Variants in FKBP5 observed in about 807,000 individuals in gnomAD.
FKBP5 encodes peptidyl-prolyl cis-trans isomerase FKBP5.
FKBP5 carries 23 observed loss-of-function variants against 50.5 expected under a neutral mutation model. That is an observed-to-expected ratio of 0.46 (90% CI 0.33 to 0.65). The LOEUF is 0.65. FKBP5 is among the 30% of genes least tolerant of loss of function. FKBP5 has a pLI of 0.02. For synonymous variants in FKBP5, 176 were observed against 190.6 expected, an observed-to-expected ratio of 0.92 and a Z score of 0.63; for missense variants, 411 against 553.1, an observed-to-expected ratio of 0.74 and a Z score of 2.58.
intron 2 of FKBP5, among the ~76,000 whole-genome samples, chr6:35,715,613 C>T (rs541403755): frequency 6.6e-6 from 1 of 152,304 alleles, no homozygotes; most frequent in South Asian, 2.1e-4. Context: ...CAGAGGTGTA[C>T]ACCAGTACAG....
At chr6:35,609,991 C>T (rs2150971475) in intron 5 of FKBP5, among the ~76,000 whole-genome samples, 1 of 152,236 alleles carries the variant, frequency 6.6e-6, no homozygotes, top group African/African-American at 2.4e-5. Context: ...TCTTTGCTGT[C>T]TGGCCGTATT....
chr6:35,580,259 T>C (rs369958969), intron 8 of FKBP5, 38 bp from the exon 9 acceptor site: 6 of 1,523,862 alleles, frequency 3.9e-6, no homozygotes, highest in Non-Finnish European at 5.4e-6. Context: ...ACTCAGCTCT[T>C]GAGGGGGTAC....
intron 1 of FKBP5, among the ~76,000 whole-genome samples, chr6:35,665,902 A>G (rs1765200727): frequency 6.6e-6 from 1 of 152,202 alleles, no homozygotes; most frequent in Non-Finnish European, 1.5e-5. Flanking sequence ...GAGACATTCA[A>G]CACATTATAA....
In FKBP5 at chr6:35,651,764, C is replaced by G. The variant is rs9394308; in HGVS notation, c.-19-8921G>C. 4.1e-4 allele frequency: 78 copies of G among 190,110 alleles called. No individual in the cohort carries two copies. In the East Asian group the frequency reaches 0.01, roughly 24 times the overall value. The allele number at this position is 190,110 out of a possible 1,614,324, so 11.8% of individuals were successfully genotyped here. ...AAACTCCACACCTAATACTTGTTTTCTAATGATTCAAGGTACACAAATTTT... is the reference window on the plus strand; with the variant it reads ...AAACTCCACACCTAATACTTGTTTTGTAATGATTCAAGGTACACAAATTTT... On this transcript the variant is annotated intron_variant, in intron 1 of 10. Transcript: ENST00000357266.
chr6:35,704,263 C>T (rs1766240337), intron 2 of FKBP5, among the ~76,000 whole-genome samples: 1 of 152,206 alleles, frequency 6.6e-6, no homozygotes, highest in Non-Finnish European at 1.5e-5. Flanking sequence ...CACAGACTCA[C>T]AGACAAGTAA....
At chr6:35,607,155 C>G (rs1763348474) in intron 5 of FKBP5, among the ~76,000 whole-genome samples, 2 of 152,112 alleles carry the variant, frequency 1.3e-5, no homozygotes, top group African/African-American at 4.8e-5. Flanking sequence ...CCAGGCTGGT[C>G]TTGAACTCCT....
At chr6:35,598,585 G>T (rs955456066) in intron 5 of FKBP5, among the ~76,000 whole-genome samples, 2 of 152,064 alleles carry the variant, frequency 1.3e-5, no homozygotes, top group African/African-American at 4.8e-5. Context: ...TAATATTAAG[G>T]GTATTCTATT....
intron 1 of FKBP5, among the ~76,000 whole-genome samples, chr6:35,688,525 C>G (rs1386138896): frequency 1.3e-5 from 2 of 151,524 alleles, no homozygotes; most frequent in Admixed American, 1.3e-4. Flanking sequence ...GAGAGCGGCG[C>G]CCGCGGTCAC....
chr6:35,685,581 A>G (rs1267001482), intron 1 of FKBP5, among the ~76,000 whole-genome samples: 3 of 152,236 alleles, frequency 2.0e-5, no homozygotes, highest in East Asian at 1.9e-4. Context: ...TAGTGTGCCA[A>G]TATGTATAAT....
chr6:35,686,232 T>C (rs1765823996), intron 1 of FKBP5, among the ~76,000 whole-genome samples: 1 of 152,098 alleles, frequency 6.6e-6, no homozygotes, highest in Non-Finnish European at 1.5e-5. Flanking sequence ...AAATTGTAGT[T>C]GATAATTTTA....
intron 2 of FKBP5, among the ~76,000 whole-genome samples, chr6:35,719,695 T>C (rs1766574220): frequency 1.3e-5 from 2 of 152,158 alleles, no homozygotes; most frequent in Admixed American, 6.5e-5. Flanking sequence ...CCAGACACCA[T>C]GTGCCTCTTG....
At chr6:35,622,332 G>C (rs1162747028) in intron 3 of FKBP5, among the ~76,000 whole-genome samples, 10 of 152,054 alleles carry the variant, frequency 6.6e-5, no homozygotes, top group Non-Finnish European at 1.5e-4. Context: ...GCAACATAGT[G>C]AAACTCCATC....
chr6:35,594,600 TATACACACACACAGCATGC>T (rs1273592087), intron 6 of FKBP5, among the ~76,000 whole-genome samples: 3 of 152,106 alleles, frequency 2.0e-5, no homozygotes, highest in African/African-American at 4.8e-5. Flanking sequence ...AGGGGTTTTC[TATACACACACACAGCATGC>T]ATACACACAC....
At chr6:35,681,636 T>C (rs1300282834) in intron 1 of FKBP5, among the ~76,000 whole-genome samples, 2 of 152,196 alleles carry the variant, frequency 1.3e-5, no homozygotes, top group Non-Finnish European at 2.9e-5. Context: ...AAAAAGCTGC[T>C]ATGACCCAGT....
intron 2 of FKBP5, among the ~76,000 whole-genome samples, chr6:35,701,626 A>G (rs893995260): frequency 3.3e-5 from 5 of 149,788 alleles, no homozygotes; most frequent in African/African-American, 1.2e-4. Flanking sequence ...TGCAGCCTCA[A>G]CCTCCCTTGC....
intron 1 of FKBP5, among the ~76,000 whole-genome samples, chr6:35,657,797 C>T (rs1419719890): frequency 5.9e-5 from 9 of 152,092 alleles, no homozygotes; most frequent in Non-Finnish European, 1.2e-4. Flanking sequence ...ACATTCTTTC[C>T]TTTTCCTTTT....
intron 1 of FKBP5, among the ~76,000 whole-genome samples, chr6:35,650,260 C>A: frequency 6.9e-6 from 1 of 144,836 alleles, no homozygotes; most frequent in African/African-American, 2.6e-5. Flanking sequence ...ATGGTTGCAC[C>A]ACTGCACTGC....
intron 6 of FKBP5, among the ~76,000 whole-genome samples, chr6:35,596,879 C>G (rs949235282): frequency 6.6e-6 from 1 of 152,110 alleles, no homozygotes; most frequent in African/African-American, 2.4e-5. Flanking sequence ...GCTTCTTTGA[C>G]TCCCAACCCC....
chr6:35,692,790 CAAAA>C (rs71002588), upstream of FKBP5, among the ~76,000 whole-genome samples: 1 of 105,636 alleles, frequency 9.5e-6, no homozygotes. Context: ...GACTCTGTCT[CAAAA>C]AAAAAAAAAA....
Sources: gnomAD v4.1 joint callset for allele counts (sites outside exome capture counted in the v4.1 genomes callset) on GRCh38, gnomAD v4.1.1 for gene constraint, MANE v1.5 for transcripts, NCBI Gene and HGNC (gene_info 2026-07-23, HGNC 2026-07-21) for gene names.